The following FAM120B variants were observed in gnomAD, a reference collection of about 807,000 sequenced individuals.
The protein encoded by FAM120B is family with sequence similarity 120 member B.
FAM120B carries 83 observed loss-of-function variants against 96.3 expected under a neutral mutation model. That is an observed-to-expected ratio of 0.86 (90% CI 0.72 to 1.03). FAM120B has a LOEUF of 1.03. Among genes scored for constraint, FAM120B ranks in the 50% least tolerant of loss-of-function variants. FAM120B has a pLI of 0.00. For synonymous variants in FAM120B, 407 were observed against 402.7 expected (o/e 1.01, Z -0.13); for missense variants, 1,027 against 1,121.2 (o/e 0.92, Z 1.20).
At position 170,370,759 on chromosome 6, in the gene FAM120B, A is replaced by G. The variant is rs1789136536; in HGVS notation, c.2283+12441A>G. On this transcript the variant is annotated intron_variant, in intron 6 of 10. Transcript: ENST00000476287. The surrounding 1 kb of genome is among the most constrained non-coding windows in gnomAD (Gnocchi z 4.3). Reference sequence around the variant, plus strand: ...ACTTGTTTTCCTTAACATTCTTTTAAACTTGGTTTCTTCCTGTAGCTTTAC... The same window carrying G: ...ACTTGTTTTCCTTAACATTCTTTTAGACTTGGTTTCTTCCTGTAGCTTTAC... 6.6e-6 allele frequency among the ~76,000 whole-genome samples: 1 copy of G among 152,086 alleles called. No homozygotes were observed. Among genetic ancestry groups the G allele is most frequent in the Non-Finnish European group, 1.5e-5 (1 of 68,032 alleles).
At chr6:170,380,109 C>T (rs1789816909) in intron 6 of FAM120B, among the ~76,000 whole-genome samples, 1 of 152,222 alleles carries the variant, frequency 6.6e-6, no homozygotes. Flanking sequence ...ATTTGTCTGA[C>T]TTTGCCTGAC....
chr6:170,345,878 C>G (rs1787146105), intron 4 of FAM120B, among the ~76,000 whole-genome samples: 1 of 152,200 alleles, frequency 6.6e-6, no homozygotes, highest in Non-Finnish European at 1.5e-5. Flanking sequence ...GTGATCAGTT[C>G]TGAGAAATGC....
chr6:170,290,973 G>A, upstream of FAM120B: 1 of 701,256 alleles, frequency 1.4e-6, no homozygotes, highest in Non-Finnish European at 2.6e-6. The surrounding 1 kb of genome is among the most constrained non-coding windows in gnomAD (Gnocchi z 4.7). Context: ...CCGGCCGCCC[G>A]CATGGCTAAT....
intron 6 of FAM120B, among the ~76,000 whole-genome samples, chr6:170,372,857 C>T (rs1402103682): frequency 6.6e-6 from 1 of 152,184 alleles, no homozygotes; most frequent in Non-Finnish European, 1.5e-5. Flanking sequence ...CAAACTAGGC[C>T]TTTTGGACCA....
In FAM120B at chr6:170,333,153, C is replaced by A. The variant is rs989167946; in HGVS notation, c.2017+2603C>A. 6.1e-4 allele frequency among the ~76,000 whole-genome samples: 93 copies of A among 151,338 alleles called. 1 individual carries two copies. The highest frequency in any genetic ancestry group is 2.3e-3 in the African/African-American group (93 of 41,184). ...GCTATGGTTTGAATGTTTGTACCCC[C>A]ACCCCACCGCCCCCCCGCCCCCCGC... On this transcript the variant is annotated intron_variant, in intron 4 of 10. Transcript: ENST00000476287.
Position 170,391,364 on chromosome 6 carries a change from G to A in FAM120B, c.2599+243G>A, listed in dbSNP as rs555540154. ...AGCCTGGCCCACATGGTGAAACCCC[G>A]TCTCTACTAAAAATACAAAAATGAA... On this transcript the variant is annotated intron_variant, in intron 8 of 10. Transcript: ENST00000476287. Among the ~76,000 whole-genome samples, 308 of 152,206 alleles carry A rather than the reference G, an allele frequency of 2.0e-3. 1 individual carries two copies. Among genetic ancestry groups the A allele is most frequent in the Non-Finnish European group, 3.4e-3 (229 of 68,018 alleles).
chr6:170,384,773 C>G (rs1289579678), intron 6 of FAM120B, among the ~76,000 whole-genome samples: 2 of 152,174 alleles, frequency 1.3e-5, no homozygotes, highest in Non-Finnish European at 2.9e-5. Context: ...GGTCTGTGAG[C>G]TAAGAATGCT....
intron 8 of FAM120B, 130 bp from the exon 9 acceptor site, chr6:170,395,357 A>ATT (rs1790672721): frequency 1.4e-6 from 1 of 739,532 alleles, no homozygotes; most frequent in Non-Finnish European, 2.3e-6. Flanking sequence ...GCGTTTTTTC[A>ATT]TGACCCTCCC....
intron 6 of FAM120B, among the ~76,000 whole-genome samples, chr6:170,387,176 C>A (rs977169297): frequency 4.6e-5 from 7 of 152,134 alleles, no homozygotes; most frequent in Middle Eastern, 3.2e-3. Context: ...AAGTGTCGCA[C>A]AGCACTATTT....
At chr6:170,315,474 C>T (rs576535548) in intron 1 of FAM120B, among the ~76,000 whole-genome samples, 1 of 152,206 alleles carries the variant, frequency 6.6e-6, no homozygotes, top group African/African-American at 2.4e-5. Context: ...GCCATAGAAC[C>T]ACCTTACAGT....
chr6:170,348,014 T>C, intron 4 of FAM120B, 137 bp from the exon 5 acceptor site: 1 of 669,190 alleles, frequency 1.5e-6, no homozygotes, highest in Non-Finnish European at 2.4e-6. Context: ...ATCACTAATC[T>C]GATCATGTTT....
chr6:170,301,555 G>T (rs112083848), intron 1 of FAM120B, among the ~76,000 whole-genome samples: 7 of 152,272 alleles, frequency 4.6e-5, no homozygotes, highest in South Asian at 4.1e-4. Flanking sequence ...CAGAAAATGG[G>T]TTTTTTTAAT....
Position 170,317,759 on chromosome 6 carries a change from G to A in FAM120B, c.369G>A (p.Lys123=), listed in dbSNP as rs761896291. 6.8e-6 allele frequency: 11 copies of A among 1,614,066 alleles called. No homozygotes were observed. In the Admixed American group the frequency reaches 1.8e-4, roughly 27 times the overall value. The change falls in exon 2 of 11, where the codon AAG becomes AAA. Residue 123 remains lysine (K), a synonymous_variant. Transcript: ENST00000476287. The stretch of plus-strand genomic sequence containing the variant: ...TTTTTCATTACATCAAGTCACACAA[G>A]GAGCAGCCAGGCAGAAATATGTTCT... ...SRIFHYIKSH[K]EQPGRNMFFI...
intron 1 of FAM120B, among the ~76,000 whole-genome samples, chr6:170,311,661 C>A (rs1343958174): frequency 6.6e-6 from 1 of 152,184 alleles, no homozygotes; most frequent in African/African-American, 2.4e-5. Flanking sequence ...GTCCTACACT[C>A]GTGTCCAAGA....
chr6:170,388,286 G>A lies in FAM120B; in HGVS notation c.2284-1G>A. On this transcript the variant is annotated splice_acceptor_variant, in intron 6 of 10. Coordinates refer to ENST00000476287, the MANE Select transcript of FAM120B (RefSeq NM_032448.3). LOFTEE classifies it high-confidence loss of function. The stretch of plus-strand genomic sequence containing the variant: ...TTTGGTGTGTGTTCTGGTCTCCACA[G>A]CCTGATTACATCAACCCCAGAGCCG... The A allele has an allele frequency of 6.2e-7, 1 of 1,613,350 alleles. No individual in the cohort carries two copies. The highest frequency in any genetic ancestry group is 8.5e-7 in the Non-Finnish European group (1 of 1,179,976).
intron 2 of FAM120B, among the ~76,000 whole-genome samples, chr6:170,322,703 A>G (rs1785372846): frequency 6.6e-6 from 1 of 152,148 alleles, no homozygotes; most frequent in South Asian, 2.1e-4. Flanking sequence ...CAAAGACAGT[A>G]TGGCAATGGT....
chr6:170,308,291 G>T (rs1257897025), intron 1 of FAM120B, among the ~76,000 whole-genome samples: 1 of 152,062 alleles, frequency 6.6e-6, no homozygotes, highest in African/African-American at 2.4e-5. Context: ...CAACACCATA[G>T]CTGGGTCGGG....
intron 6 of FAM120B, among the ~76,000 whole-genome samples, chr6:170,376,191 C>T (rs1384424937): frequency 2.6e-5 from 4 of 151,952 alleles, no homozygotes; most frequent in Non-Finnish European, 2.9e-5. Flanking sequence ...GTTCGGGTCT[C>T]TAAGGTAGGT....
chr6:170,376,605 G>C (rs115935348), intron 6 of FAM120B, among the ~76,000 whole-genome samples: 2,067 of 152,294 alleles, frequency 0.014, 50 homozygotes, highest in African/African-American at 0.048. Flanking sequence ...CACTGGGCCT[G>C]AACCTTGGTC....
Sources: allele counts gnomAD v4.1 joint callset (sites outside exome capture counted in the v4.1 genomes callset), GRCh38; gene constraint gnomAD v4.1.1; non-coding constraint Gnocchi (gnomAD v3.1); transcripts MANE v1.5; gene names NCBI Gene and HGNC (gene_info 2026-07-23, HGNC 2026-07-21).